Variants in TMEM178B observed in about 807,000 individuals in gnomAD.
TMEM178B encodes transmembrane protein 178B.
In TMEM178B, 5 loss-of-function variants were observed where a neutral mutation model predicts 31.0. The ratio of observed to expected loss-of-function variants is 0.16; its 90% CI spans 0.08 to 0.34. The LOEUF (loss-of-function observed/expected upper bound fraction) is 0.34, where lower values mean the gene tolerates loss of function less well. Among genes scored for constraint, TMEM178B ranks in the 10% least tolerant of loss-of-function variants. TMEM178B has a pLI of 1.00. For missense variants in TMEM178B, 275 were observed against 400.3 expected (o/e 0.69, Z 2.67); for synonymous variants, 164 against 164.0 (o/e 1.00, Z 0.00).
At chr7:141,250,472 T>C (rs1797812630) in intron 2 of TMEM178B, among the ~76,000 whole-genome samples, 1 of 152,154 alleles carries the variant, frequency 6.6e-6, no homozygotes, top group African/African-American at 2.4e-5. Flanking sequence ...TCCGTGTAAT[T>C]GGGACAGGAC....
intron 1 of TMEM178B, among the ~76,000 whole-genome samples, chr7:141,143,347 A>G (rs1406235824): frequency 6.6e-6 from 1 of 152,212 alleles, no homozygotes; most frequent in Non-Finnish European, 1.5e-5. Context: ...TCATAATTTG[A>G]AGTCTTACAT....
chr7:141,280,022 T>C (rs972923197), intron 2 of TMEM178B, among the ~76,000 whole-genome samples: 1 of 152,116 alleles, frequency 6.6e-6, no homozygotes, highest in Non-Finnish European at 1.5e-5. Context: ...GGGGCAAGGG[T>C]AGGGTAAGTG....
intron 1 of TMEM178B, among the ~76,000 whole-genome samples, chr7:141,100,541 T>C (rs1165557128): frequency 2.0e-5 from 3 of 152,184 alleles, no homozygotes; most frequent in African/African-American, 7.2e-5. Flanking sequence ...TCCCTAATCA[T>C]CATGTGTTTG....
At chr7:141,204,347 C>T (rs544972809) in intron 1 of TMEM178B, among the ~76,000 whole-genome samples, 2 of 152,302 alleles carry the variant, frequency 1.3e-5, no homozygotes, top group Non-Finnish European at 2.9e-5. Flanking sequence ...CATCTGCCAC[C>T]CCTGTCACCC....
intron 2 of TMEM178B, among the ~76,000 whole-genome samples, chr7:141,263,757 G>A (rs1047674879): frequency 1.3e-5 from 2 of 152,192 alleles, no homozygotes; most frequent in African/African-American, 4.8e-5. Context: ...TGCAATGTTA[G>A]AGGAACAGCC....
chr7:141,290,126 G>A (rs1012845087), intron 2 of TMEM178B, among the ~76,000 whole-genome samples: 3 of 152,154 alleles, frequency 2.0e-5, no homozygotes, highest in African/African-American at 4.8e-5. Flanking sequence ...ACTTCTTTTG[G>A]TTCTTAGGAG....
At chr7:141,158,635 C>T (rs74615696) in intron 1 of TMEM178B, among the ~76,000 whole-genome samples, 3 of 152,248 alleles carry the variant, frequency 2.0e-5, no homozygotes, top group Non-Finnish European at 4.4e-5. Context: ...GAGAAGAGGC[C>T]GAACCTGTGG....
chr7:141,083,666 G>A (rs1794728453), intron 1 of TMEM178B, among the ~76,000 whole-genome samples: 1 of 152,172 alleles, frequency 6.6e-6, no homozygotes. Context: ...AATGTGATTT[G>A]CAGTTCAGGG....
chr7:141,252,092 G>A (rs983363049), intron 2 of TMEM178B, among the ~76,000 whole-genome samples: 10 of 152,168 alleles, frequency 6.6e-5, no homozygotes, highest in Non-Finnish European at 1.2e-4. Context: ...TAAAGCTACA[G>A]GACTGAAGTC....
At chr7:141,216,500 A>T (rs1797155215) in intron 2 of TMEM178B, among the ~76,000 whole-genome samples, 1 of 140,104 alleles carries the variant, frequency 7.1e-6, no homozygotes, top group South Asian at 2.3e-4. Context: ...AAGAAGGGTG[A>T]TCTTTGTGGA....
At chr7:141,113,483 C>T (rs1439092423) in intron 1 of TMEM178B, among the ~76,000 whole-genome samples, 1 of 152,188 alleles carries the variant, frequency 6.6e-6, no homozygotes, top group African/African-American at 2.4e-5. Context: ...TACTGGGACC[C>T]TTTTCCTTCC....
chr7:141,372,252 A>G (rs1457380336), intron 2 of TMEM178B, among the ~76,000 whole-genome samples: 1 of 152,130 alleles, frequency 6.6e-6, no homozygotes, highest in East Asian at 1.9e-4. Flanking sequence ...ATTGGACAGA[A>G]TGGATCATTC....
intron 2 of TMEM178B, among the ~76,000 whole-genome samples, chr7:141,260,345 C>T (rs1797991921): frequency 6.6e-6 from 1 of 152,148 alleles, no homozygotes; most frequent in African/African-American, 2.4e-5. Context: ...CAGCAGATTC[C>T]CACTGATCTT....
At chr7:141,496,669 C>CAAAAAAAAAAAAAAA in the TMEM178B span, among the ~76,000 whole-genome samples, 2 of 33,254 alleles carry the variant, frequency 6.0e-5, no homozygotes, top group African/African-American at 1.1e-4. Context: ...GACTCCGTCT[C>CAAAAAAAAAAAAAAA]AAAAAAAAAA....
intron 3 of TMEM178B, among the ~76,000 whole-genome samples, chr7:141,443,860 T>A (rs1416976306): frequency 6.6e-6 from 1 of 152,200 alleles, no homozygotes; most frequent in African/African-American, 2.4e-5. Flanking sequence ...TATACCAGTG[T>A]GGACTGATGA....
At chr7:141,493,398 T>C in the TMEM178B span, among the ~76,000 whole-genome samples, 1 of 152,190 alleles carries the variant, frequency 6.6e-6, no homozygotes, top group Non-Finnish European at 1.5e-5. Context: ...TCTTCAAACC[T>C]TGAGGACTGT....
intron 2 of TMEM178B, among the ~76,000 whole-genome samples, chr7:141,404,336 A>G (rs550739268): frequency 5.3e-5 from 8 of 152,226 alleles, no homozygotes; most frequent in South Asian, 4.2e-4. Context: ...CAAACAAACA[A>G]ACAAAAACAA....
intron 2 of TMEM178B, among the ~76,000 whole-genome samples, chr7:141,256,193 G>A (rs569883753): frequency 3.3e-5 from 5 of 152,256 alleles, no homozygotes; most frequent in South Asian, 2.1e-4. Context: ...CAAAATAGAC[G>A]TTCTTAGCTC....
the TMEM178B span, among the ~76,000 whole-genome samples, chr7:141,493,350 C>T: frequency 3.6e-3 from 542 of 152,312 alleles, 2 homozygotes; most frequent in African/African-American, 0.01. Flanking sequence ...AGGACAGAGA[C>T]GATGCCCTAC....
Sources: allele counts gnomAD v4.1 joint callset (sites outside exome capture counted in the v4.1 genomes callset), GRCh38; gene constraint gnomAD v4.1.1; transcripts MANE v1.5; gene names NCBI Gene and HGNC (gene_info 2026-07-23, HGNC 2026-07-21).